HHLA1: variants seen among roughly 807,000 people sequenced by gnomAD.
HHLA1 encodes the protein HERV-H LTR-associating protein 1.
A neutral mutation model predicts 69.9 loss-of-function variants in HHLA1; 72 were observed. The observed-to-expected ratio is 1.03, with a 90% CI of 0.85 to 1.25. The LOEUF (loss-of-function observed/expected upper bound fraction) is 1.25. Among genes scored for constraint, HHLA1 ranks in the 50% most tolerant of loss-of-function variants. The pLI, the probability that HHLA1 is intolerant of heterozygous loss-of-function variation, is 0.00. For missense variants in HHLA1, 685 were observed against 642.2 expected, an observed-to-expected ratio of 1.07 and a Z score of -0.72; for synonymous variants, 252 against 233.2, an observed-to-expected ratio of 1.08 and a Z score of -0.73.
intron 3 of HHLA1, among the ~76,000 whole-genome samples, chr8:132,103,609 C>T (rs1452633199): frequency 6.6e-6 from 1 of 150,964 alleles, no homozygotes; most frequent in Non-Finnish European, 1.5e-5. Context: ...CAGAGTAAGA[C>T]CCCATCTCAA....
intron 13 of HHLA1, 139 bp from the exon 14 acceptor site, chr8:132,076,268 G>A: frequency 2.6e-6 from 2 of 764,100 alleles, no homozygotes; most frequent in Non-Finnish European, 2.1e-6. Flanking sequence ...AAGGGGAAGT[G>A]ATTTATGGAA....
chr8:132,079,658 C>A, intron 11 of HHLA1, 60 bp downstream of exon 11: 1 of 1,473,878 alleles, frequency 6.8e-7, no homozygotes, highest in South Asian at 1.4e-5. Context: ...TATATGTGAG[C>A]CTAGAGGTAA....
At chr8:132,106,083 T>G (rs1241369759) in intron 1 of HHLA1, among the ~76,000 whole-genome samples, 1 of 152,188 alleles carries the variant, frequency 6.6e-6, no homozygotes, top group Non-Finnish European at 1.5e-5. Flanking sequence ...ACTTGATAAC[T>G]GTACAGTCTT....
intron 7 of HHLA1, among the ~76,000 whole-genome samples, 189 bp downstream of exon 7, chr8:132,095,330 A>G (rs1824005226): frequency 6.6e-6 from 1 of 152,222 alleles, no homozygotes; most frequent in Non-Finnish European, 1.5e-5. Context: ...ACAATGCTTC[A>G]TGAACATTTT....
chr8:132,088,090 G>T (rs193171352), intron 8 of HHLA1, among the ~76,000 whole-genome samples, 189 bp from the exon 9 acceptor site: 3 of 152,292 alleles, frequency 2.0e-5, no homozygotes, highest in Admixed American at 1.3e-4. Flanking sequence ...TTGGGGGATG[G>T]TGTAGTGGCT....
intron 15 of HHLA1, chr8:132,070,472 C>G: frequency 1.5e-6 from 1 of 677,954 alleles, no homozygotes; most frequent in South Asian, 1.6e-5. Flanking sequence ...ACTCAAGATC[C>G]TCTGCCATGA....
intron 10 of HHLA1, 63 bp downstream of exon 10, chr8:132,087,590 G>C: frequency 9.9e-7 from 1 of 1,009,376 alleles, no homozygotes. Flanking sequence ...TCAGTCATTA[G>C]TGTGCCAGGT....
intron 3 of HHLA1, among the ~76,000 whole-genome samples, chr8:132,100,405 A>G (rs1205447390): frequency 6.6e-6 from 1 of 152,156 alleles, no homozygotes; most frequent in African/African-American, 2.4e-5. Flanking sequence ...TCTTTAACCA[A>G]GTAGGAAAAC....
intron 8 of HHLA1, among the ~76,000 whole-genome samples, chr8:132,088,353 T>G (rs1022727116): frequency 6.6e-6 from 1 of 152,248 alleles, no homozygotes; most frequent in Non-Finnish European, 1.5e-5. Flanking sequence ...TCTATCCTAC[T>G]TAGTGTAAAG....
intron 16 of HHLA1, among the ~76,000 whole-genome samples, chr8:132,064,395 G>T (rs1823402783): frequency 6.6e-6 from 1 of 152,190 alleles, no homozygotes; most frequent in Non-Finnish European, 1.5e-5. Context: ...TGTGTGCATA[G>T]AGATTTTAAT....
At chr8:132,069,128 T>A (rs1386549281) in intron 15 of HHLA1, among the ~76,000 whole-genome samples, 1 of 152,092 alleles carries the variant, frequency 6.6e-6, no homozygotes, top group Non-Finnish European at 1.5e-5. Context: ...TGGTCTCCCA[T>A]CTTTGCTGCA....
chr8:132,103,055 T>C (rs1004031995), intron 3 of HHLA1, among the ~76,000 whole-genome samples: 1 of 152,210 alleles, frequency 6.6e-6, no homozygotes, highest in African/African-American at 2.4e-5. Flanking sequence ...GCATTTTTTG[T>C]ACTTCTTAAT....
chr8:132,082,633 G>A (rs889778204), intron 10 of HHLA1, among the ~76,000 whole-genome samples: 1 of 152,128 alleles, frequency 6.6e-6, no homozygotes, highest in Non-Finnish European at 1.5e-5. Flanking sequence ...AATTTGCTGA[G>A]CCTAATGGGT....
At chr8:132,083,743 C>T (rs1305956321) in intron 10 of HHLA1, among the ~76,000 whole-genome samples, 1 of 152,186 alleles carries the variant, frequency 6.6e-6, no homozygotes, top group Non-Finnish European at 1.5e-5. Context: ...CGCCTGGCCG[C>T]TGCGGTTCGG....
At chr8:132,088,026 T>C in intron 8 of HHLA1, 125 bp from the exon 9 acceptor site, 1 of 741,972 alleles carries the variant, frequency 1.3e-6, no homozygotes. Flanking sequence ...AGCCTGACTC[T>C]TTACTCTTAA....
intron 10 of HHLA1, among the ~76,000 whole-genome samples, chr8:132,083,880 T>C (rs922959134): frequency 1.3e-5 from 2 of 152,022 alleles, no homozygotes; most frequent in African/African-American, 4.8e-5. Flanking sequence ...TGTTGTGGGG[T>C]TTGAGGGCCG....
intron 5 of HHLA1, among the ~76,000 whole-genome samples, chr8:132,097,055 G>T (rs1049347019): frequency 1.3e-5 from 2 of 152,140 alleles, no homozygotes; most frequent in African/African-American, 4.8e-5. Context: ...TTTGGTGCAC[G>T]CAAATCACCA....
At chr8:132,084,178 G>A (rs1006334198) in intron 10 of HHLA1, among the ~76,000 whole-genome samples, 2 of 152,212 alleles carry the variant, frequency 1.3e-5, no homozygotes, top group African/African-American at 4.8e-5. Flanking sequence ...GGGCTAGTCA[G>A]GGAACGAAAC....
At chr8:132,076,384 G>A in intron 13 of HHLA1, 91 bp downstream of exon 13, 1 of 895,316 alleles carries the variant, frequency 1.1e-6, no homozygotes, top group Non-Finnish European at 1.7e-6. Context: ...ATTGCTTACT[G>A]GTACCCCATC....
Sources: gnomAD v4.1 joint callset for allele counts (sites outside exome capture counted in the v4.1 genomes callset) on GRCh38, gnomAD v4.1.1 for gene constraint, MANE v1.5 for transcripts, NCBI Gene and HGNC (gene_info 2026-07-23, HGNC 2026-07-21) for gene names.